Variants in GAN observed in about 807,000 individuals in gnomAD.
GAN encodes epididymis secretory sperm binding protein.
A neutral mutation model predicts 71.3 loss-of-function variants in GAN; 48 were observed. The ratio of observed to expected loss-of-function variants is 0.67; its 90% CI spans 0.53 to 0.86. The LOEUF (loss-of-function observed/expected upper bound fraction) is 0.86. GAN is among the 40% of genes least tolerant of loss of function. GAN has a pLI of 0.00. For synonymous variants in GAN, 386 were observed against 276.8 expected, an observed-to-expected ratio of 1.39 and a Z score of -3.92; for missense variants, 928 against 770.1, an observed-to-expected ratio of 1.21 and a Z score of -2.43.
chr16:81,376,484 TG>T (rs1904280329), intron 9 of GAN, among the ~76,000 whole-genome samples: 2 of 146,212 alleles, frequency 1.4e-5, no homozygotes, highest in Admixed American at 1.4e-4. Flanking sequence ...TGTGTGTGTG[TG>T]TGTGTGTGTG....
chr16:81,351,453 G>T (rs924913235), intron 1 of GAN, 130 bp from the exon 2 acceptor site: 1 of 647,896 alleles, frequency 1.5e-6, no homozygotes, highest in South Asian at 1.8e-5. Context: ...TAAAGTTAAC[G>T]AACTAAATTT....
At chr16:81,316,293 G>GA (rs1483276095) in intron 1 of GAN, among the ~76,000 whole-genome samples, 1 of 152,102 alleles carries the variant, frequency 6.6e-6, no homozygotes, top group Non-Finnish European at 1.5e-5. Flanking sequence ...TGACAGGTCA[G>GA]AAAAAGCAAA....
intron 1 of GAN, among the ~76,000 whole-genome samples, chr16:81,329,583 G>GC (rs1201129151): frequency 6.6e-6 from 1 of 152,142 alleles, no homozygotes. Context: ...TTAAAAAATT[G>GC]CAGTGTATAA....
intron 1 of GAN, 139 bp downstream of exon 1, chr16:81,315,419 C>T (rs1170222201): frequency 9.4e-6 from 5 of 529,692 alleles, no homozygotes; most frequent in East Asian, 4.7e-5. Flanking sequence ...GCGCGGCGTC[C>T]CTCCCGGCAA....
In GAN at chr16:81,362,537, A is replaced by T. The variant is rs1181977802; in HGVS notation, c.1012A>T (p.Lys338Ter). The T allele has an allele frequency of 6.2e-7, 1 of 1,610,046 alleles. No individual in the cohort carries two copies. The highest frequency in any genetic ancestry group is 8.5e-7 in the Non-Finnish European group (1 of 1,176,232). The change falls in exon 6 of 11, where the codon AAG (lysine) becomes TAG (stop). Residue 338 changes from lysine (K) to a stop codon, truncating the protein, a stop_gained. Coordinates refer to ENST00000648994, the MANE Select transcript of GAN (RefSeq NM_022041.4). LOFTEE classifies it high-confidence loss of function. ...LFVFGGQDEN[K>*]QTLSSGEKYD... is the part of the protein sequence containing the mutation. ...TGTATTCGGGGGCCAAGATGAAAAT[A>T]AGCAGACTCTTAGCTCAGGAGAAAA...
In GAN at chr16:81,379,227, A is replaced by C. The variant is rs945307934; in HGVS notation, c.*1631A>C. 6.6e-6 allele frequency: 1 copy of C among 152,186 alleles called. No homozygotes were observed. Among genetic ancestry groups the C allele is most frequent in the African/African-American group, 2.4e-5 (1 of 41,438 alleles). 9.4% of individuals were successfully genotyped at this position (152,186 alleles called of 1,614,324 possible). A position where few individuals can be genotyped will look rare whatever the true frequency, so the allele number is the denominator to read the frequency against. On this transcript the variant is annotated 3_prime_UTR_variant, in exon 11 of 11. Transcript: ENST00000648994. ...CACTTACGTTCTCCCACCCATAGAC[A>C]TAAAAAAGGGTGACCTGTGATTTTT...
chr16:81,356,423 T>C (rs767557958), intron 3 of GAN, among the ~76,000 whole-genome samples: 7 of 152,212 alleles, frequency 4.6e-5, no homozygotes, highest in Non-Finnish European at 7.3e-5. Flanking sequence ...TGTATAAACA[T>C]GATTTAACTC....
chr16:81,354,019 C>T (rs1041806671), intron 2 of GAN, among the ~76,000 whole-genome samples: 1 of 152,106 alleles, frequency 6.6e-6, no homozygotes, highest in Non-Finnish European at 1.5e-5. Flanking sequence ...TTCATCAGTT[C>T]TGATGCTGGT....
At chr16:81,367,522 C>G (rs1366704299) in intron 9 of GAN, among the ~76,000 whole-genome samples, 1 of 152,148 alleles carries the variant, frequency 6.6e-6, no homozygotes, top group Non-Finnish European at 1.5e-5. Context: ...AAGCGAGACC[C>G]TGTCTCTAAA....
In GAN at chr16:81,322,877, A is replaced by G. The variant is rs563059606; in HGVS notation, c.167+7597A>G. Reference sequence around the variant, plus strand: ...AACTTCATACTGAAACCTCACATTTAGGCTGTGAGTTTGATATGAGTCTTT... The same window carrying G: ...AACTTCATACTGAAACCTCACATTTGGGCTGTGAGTTTGATATGAGTCTTT... On this transcript the variant is annotated intron_variant, in intron 1 of 10. Transcript: ENST00000648994. 2.6e-4 allele frequency among the ~76,000 whole-genome samples: 40 copies of G among 152,356 alleles called. No homozygotes were observed. The South Asian group carries it at 6.6e-3, about 25-fold the overall frequency.
intron 9 of GAN, among the ~76,000 whole-genome samples, chr16:81,376,426 C>A (rs1206426056): frequency 6.7e-6 from 1 of 149,452 alleles, no homozygotes; most frequent in Non-Finnish European, 1.5e-5. Context: ...TCAAGACCAG[C>A]CTGGGCAACA....
At chr16:81,334,585 G>C (rs143988931) in intron 1 of GAN, among the ~76,000 whole-genome samples, 3 of 152,192 alleles carry the variant, frequency 2.0e-5, no homozygotes, top group Admixed American at 1.3e-4. Flanking sequence ...TTCCCATTCG[G>C]ATTATTGCAC....
chr16:81,378,592 A>C lies in GAN; in HGVS notation c.*996A>C, dbSNP rs886737192. On this transcript the variant is annotated 3_prime_UTR_variant, in exon 11 of 11. Coordinates refer to ENST00000648994, the MANE Select transcript of GAN (RefSeq NM_022041.4). ...GAAAGCACACAAAGTCTTGTTTACTACTGTTTAGGGTTTGAAAACTTGTCT... is the reference window on the plus strand; with the variant it reads ...GAAAGCACACAAAGTCTTGTTTACTCCTGTTTAGGGTTTGAAAACTTGTCT... 6.6e-6 allele frequency: 1 copy of C among 152,626 alleles called. No individual in the cohort carries two copies. Among genetic ancestry groups the C allele is most frequent in the East Asian group, 1.9e-4 (1 of 5,202 alleles). The allele number at this position is 152,626 out of a possible 1,614,324, so 9.5% of individuals were successfully genotyped here.
intron 1 of GAN, among the ~76,000 whole-genome samples, chr16:81,323,269 C>T (rs969719785): frequency 1.1e-4 from 17 of 152,076 alleles, no homozygotes; most frequent in African/African-American, 4.1e-4. Flanking sequence ...CTGTCTTGTG[C>T]GACCAAAGCT....
At chr16:81,353,320 G>A (rs946895890) in intron 2 of GAN, among the ~76,000 whole-genome samples, 2 of 150,708 alleles carry the variant, frequency 1.3e-5, no homozygotes, top group Non-Finnish European at 2.9e-5. Context: ...TAGTTGGAAT[G>A]TAAGTTATAA....
At chr16:81,315,369 G>C (rs1003407021) in intron 1 of GAN, 89 bp downstream of exon 1, 1 of 910,130 alleles carries the variant, frequency 1.1e-6, no homozygotes, top group African/African-American at 1.7e-5. Flanking sequence ...CCCAGACCCT[G>C]TCCCCTGTCC....
intron 1 of GAN, among the ~76,000 whole-genome samples, chr16:81,350,438 A>G (rs932479570): frequency 1.3e-5 from 2 of 152,168 alleles, no homozygotes; most frequent in African/African-American, 4.8e-5. Flanking sequence ...GCCACCTACT[A>G]TGGAGAATAA....
chr16:81,362,649 TC>T, intron 6 of GAN, 38 bp downstream of exon 6: 1 of 1,043,488 alleles, frequency 9.6e-7, no homozygotes, highest in Non-Finnish European at 1.5e-6. Context: ...GATGTGTTTC[TC>T]TTTCCCCTTA....
Position 81,378,686 on chromosome 16 carries a change from G to T in GAN, c.*1090G>T, listed in dbSNP as rs1033032998. On this transcript the variant is annotated 3_prime_UTR_variant, in exon 11 of 11. Transcript: ENST00000648994. ...GTTTCCCAGTGGCATTCACTAGTGA[G>T]AGTTTTAGACAAATTATGTTACGAG... 4.6e-5 allele frequency: 7 copies of T among 152,744 alleles called. No homozygotes were observed. The highest frequency in any genetic ancestry group is 1.7e-4 in the African/African-American group (7 of 41,570). 9.5% of individuals were successfully genotyped at this position (152,744 alleles called of 1,614,324 possible). A position where few individuals can be genotyped will look rare whatever the true frequency, so the allele number is the denominator to read the frequency against.
Sources: allele counts gnomAD v4.1 joint callset (sites outside exome capture counted in the v4.1 genomes callset), GRCh38; gene constraint gnomAD v4.1.1; transcripts MANE v1.5; gene names NCBI Gene and HGNC (gene_info 2026-07-23, HGNC 2026-07-21).